NRXN3: variants seen among roughly 807,000 people sequenced by gnomAD.
The protein encoded by NRXN3 is neurexin 3, also known as neurexin III.
NRXN3 carries 32 observed loss-of-function variants against 137.6 expected under a neutral mutation model. The ratio of observed to expected loss-of-function variants is 0.23; its 90% CI spans 0.18 to 0.31. The LOEUF (loss-of-function observed/expected upper bound fraction) is 0.31, where lower values mean the gene tolerates loss of function less well. Ranked by LOEUF, NRXN3 falls within the 10% of genes least tolerant of loss-of-function variation. NRXN3 has a pLI of 1.00. For missense variants in NRXN3, 1,574 were observed against 2,062.5 expected, an observed-to-expected ratio of 0.76 and a Z score of 4.59; for synonymous variants, 798 against 784.5, an observed-to-expected ratio of 1.02 and a Z score of -0.29.
chr14:79,059,886 A>T (rs1317304503), intron 15 of NRXN3, among the ~76,000 whole-genome samples: 2 of 152,328 alleles, frequency 1.3e-5, no homozygotes, highest in East Asian at 3.9e-4. Context: ...CCATCTCTCG[A>T]ATCAGACAGC....
chr14:79,141,330 A>G (rs748658408), intron 15 of NRXN3, among the ~76,000 whole-genome samples: 4 of 152,212 alleles, frequency 2.6e-5, no homozygotes, highest in East Asian at 3.8e-4. Flanking sequence ...CCCCTTGTCC[A>G]TATCACATGT....
chr14:78,266,880 A>C (rs2071837603), intron 2 of NRXN3, among the ~76,000 whole-genome samples: 1 of 152,210 alleles, frequency 6.6e-6, no homozygotes, highest in Non-Finnish European at 1.5e-5. Flanking sequence ...GGGGCTTAGA[A>C]GTAAGAGAGT....
At chr14:79,084,452 C>T (rs1156236512) in intron 15 of NRXN3, among the ~76,000 whole-genome samples, 1 of 152,068 alleles carries the variant, frequency 6.6e-6, no homozygotes, top group African/African-American at 2.4e-5. Context: ...AAAAATATTG[C>T]CAACTGACTA....
chr14:78,679,873 C>G (rs1033621738), intron 6 of NRXN3, among the ~76,000 whole-genome samples: 6 of 151,952 alleles, frequency 3.9e-5, no homozygotes, highest in Non-Finnish European at 8.8e-5. Flanking sequence ...GGTTCAAATC[C>G]GTTGTCTAGT....
Position 79,866,833 on chromosome 14 carries a change from T to C in NRXN3, c.*4869T>C, listed in dbSNP as rs2099418252. Reference sequence around the variant, plus strand: ...GAAACTGACATATTGCTACAGAGGTTACAAAAGCTGTAGTCAGAGGGCTTC... The same window carrying C: ...GAAACTGACATATTGCTACAGAGGTCACAAAAGCTGTAGTCAGAGGGCTTC... On this transcript the variant is annotated 3_prime_UTR_variant, in exon 21 of 21. Coordinates refer to ENST00000335750, the MANE Select transcript of NRXN3 (RefSeq NM_001330195.2). 6.6e-6 allele frequency: 1 copy of C among 152,134 alleles called. No homozygotes were observed. The highest frequency in any genetic ancestry group is 2.1e-4 in the South Asian group (1 of 4,824). The allele number at this position is 152,134 out of a possible 1,614,324, so 9.4% of individuals were successfully genotyped here. A position where few individuals can be genotyped will look rare whatever the true frequency, so the allele number is the denominator to read the frequency against.
In NRXN3 at chr14:78,645,439, A is replaced by C. The variant is rs1464413073; in HGVS notation, c.1059+18A>C. The C allele has an allele frequency of 5.8e-6, 9 of 1,553,146 alleles. No homozygotes were observed. Among genetic ancestry groups the C allele is most frequent in the Non-Finnish European group, 7.8e-6 (9 of 1,154,390 alleles). On this transcript the variant is annotated intron_variant, in intron 5 of 20. Coordinates refer to ENST00000335750, the MANE Select transcript of NRXN3 (RefSeq NM_001330195.2). ...TCCGGCAGGTAATGGCTGAGGGGAG[A>C]GAATTCCTGGAAGGCTCATCTTAGG...
intron 10 of NRXN3, among the ~76,000 whole-genome samples, chr14:78,952,150 G>A (rs1283423714): frequency 1.3e-5 from 2 of 152,104 alleles, no homozygotes; most frequent in Non-Finnish European, 2.9e-5. Flanking sequence ...CTATTCCTGA[G>A]CCTTAAGTAC....
At chr14:78,435,471 T>G (rs1598632012) in intron 4 of NRXN3, among the ~76,000 whole-genome samples, 1 of 152,310 alleles carries the variant, frequency 6.6e-6, no homozygotes, top group South Asian at 2.1e-4. Flanking sequence ...GCCTCCTGGG[T>G]TAGTCACCGC....
chr14:78,608,595 A>G (rs112598139), intron 4 of NRXN3, among the ~76,000 whole-genome samples: 1,778 of 152,316 alleles, frequency 0.012, 45 homozygotes, highest in African/African-American at 0.041. Context: ...CACTTGATCC[A>G]TTATATTTAA....
chr14:79,530,721 A>G (rs2097162640), intron 16 of NRXN3, among the ~76,000 whole-genome samples: 1 of 152,130 alleles, frequency 6.6e-6, no homozygotes, highest in African/African-American at 2.4e-5. Flanking sequence ...GGAGGGGGAA[A>G]TGGGATTGCC....
At chr14:79,547,116 C>T (rs1049776954) in intron 16 of NRXN3, among the ~76,000 whole-genome samples, 4 of 152,068 alleles carry the variant, frequency 2.6e-5, no homozygotes, top group African/African-American at 9.7e-5. Context: ...CTATAAAAAA[C>T]AGTATGTCCA....
At chr14:79,084,587 A>G (rs1377669553) in intron 15 of NRXN3, among the ~76,000 whole-genome samples, 3 of 152,244 alleles carry the variant, frequency 2.0e-5, no homozygotes, top group Non-Finnish European at 2.9e-5. Context: ...TGGCTTCTTC[A>G]TTTCCTATGC....
At chr14:78,874,449 A>G (rs1236338115) in intron 10 of NRXN3, among the ~76,000 whole-genome samples, 1 of 152,182 alleles carries the variant, frequency 6.6e-6, no homozygotes, top group Non-Finnish European at 1.5e-5. Flanking sequence ...ACTATCAGGG[A>G]AAATTTTCAA....
intron 3 of NRXN3, among the ~76,000 whole-genome samples, chr14:78,278,893 C>T (rs1218509649): frequency 2.6e-5 from 4 of 152,208 alleles, no homozygotes; most frequent in Non-Finnish European, 4.4e-5. Context: ...TCACTTCCTT[C>T]TCATTAGTAT....
intron 15 of NRXN3, among the ~76,000 whole-genome samples, chr14:79,380,615 G>A (rs897170181): frequency 1.3e-5 from 2 of 152,110 alleles, no homozygotes; most frequent in East Asian, 1.9e-4. Context: ...CATTTGGGTT[G>A]GTTCCAAGTC....
chr14:79,213,459 A>G (rs954472166), intron 15 of NRXN3, among the ~76,000 whole-genome samples: 3 of 152,344 alleles, frequency 2.0e-5, no homozygotes, highest in African/African-American at 7.2e-5. Context: ...GATCCTTTTC[A>G]TGTGGCATTT....
intron 15 of NRXN3, among the ~76,000 whole-genome samples, chr14:79,402,021 G>A (rs531220542): frequency 6.6e-6 from 1 of 152,008 alleles, no homozygotes; most frequent in African/African-American, 2.4e-5. Context: ...GGTTTAAGCA[G>A]TCCTCCCACC....
intron 4 of NRXN3, among the ~76,000 whole-genome samples, chr14:78,332,535 C>T (rs1382649721): frequency 3.9e-5 from 6 of 152,036 alleles, no homozygotes; most frequent in Admixed American, 2.0e-4. Flanking sequence ...AGGCTCGTTT[C>T]GAATTCCTGA....
chr14:78,968,448 C>A, intron 14 of NRXN3, 102 bp downstream of exon 14: 1 of 1,047,390 alleles, frequency 9.5e-7, no homozygotes, highest in Non-Finnish European at 1.4e-6. Context: ...CCAGTCCTGT[C>A]TCATTCTCAT....
Sources: gnomAD v4.1 joint callset for allele counts (sites outside exome capture counted in the v4.1 genomes callset) on GRCh38, gnomAD v4.1.1 for gene constraint, MANE v1.5 for transcripts, NCBI Gene and HGNC (gene_info 2026-07-23, HGNC 2026-07-21) for gene names.